The following LZTS1 variants were observed in gnomAD, a reference collection of about 807,000 sequenced individuals.
LZTS1 encodes the protein leucine zipper tumor suppressor 1.
In LZTS1, 31 loss-of-function variants were observed where a neutral mutation model predicts 45.8. The ratio of observed to expected loss-of-function variants is 0.68; its 90% confidence interval spans 0.51 to 0.91. The LOEUF is 0.91. LZTS1 is among the 40% of genes least tolerant of loss of function. LZTS1 has a pLI of 0.00. For synonymous variants in LZTS1, 359 were observed against 357.3 expected, an observed-to-expected ratio of 1.00 and a Z score of -0.05; for missense variants, 821 against 788.9, an observed-to-expected ratio of 1.04 and a Z score of -0.49.
chr8:20,264,681 T>C (rs986265986), intron 1 of LZTS1, among the ~76,000 whole-genome samples: 2 of 152,178 alleles, frequency 1.3e-5, no homozygotes, highest in Non-Finnish European at 2.9e-5. Context: ...CCCCCTGCTC[T>C]GAGGCAGCCT....
chr8:20,276,673 T>C (rs1431258628), intron 1 of LZTS1, among the ~76,000 whole-genome samples: 1 of 152,170 alleles, frequency 6.6e-6, no homozygotes, highest in Non-Finnish European at 1.5e-5. Context: ...AAGGCTGGGG[T>C]CATGGGAACT....
chr8:20,279,265 C>T (rs1800640702), intron 1 of LZTS1, among the ~76,000 whole-genome samples: 1 of 152,188 alleles, frequency 6.6e-6, no homozygotes, highest in Non-Finnish European at 1.5e-5. Context: ...TGTCTATCCC[C>T]TCTGCTAGTC....
chr8:20,272,091 A>G (rs1017090160), intron 1 of LZTS1, among the ~76,000 whole-genome samples: 1 of 152,216 alleles, frequency 6.6e-6, no homozygotes, highest in African/African-American at 2.4e-5. Context: ...CATAGCACTG[A>G]GCAGAACAGA....
chr8:20,301,396 G>C (rs1426254595), intron 1 of LZTS1, among the ~76,000 whole-genome samples: 2 of 152,102 alleles, frequency 1.3e-5, no homozygotes, highest in South Asian at 2.1e-4. Context: ...TGAATAAAAA[G>C]TTCCAGGCAC....
At chr8:20,302,892 T>C (rs749670523) in intron 1 of LZTS1, among the ~76,000 whole-genome samples, 97 of 152,150 alleles carry the variant, frequency 6.4e-4, no homozygotes, top group Admixed American at 4.6e-4. Flanking sequence ...AGTTCAAACC[T>C]TTCCACTTGG....
chr8:20,267,219 T>A (rs1800377751), intron 1 of LZTS1, among the ~76,000 whole-genome samples: 1 of 141,082 alleles, frequency 7.1e-6, no homozygotes, highest in Non-Finnish European at 1.6e-5. Context: ...TCCCCTGGTT[T>A]CTGGCATCGT....
intron 1 of LZTS1, among the ~76,000 whole-genome samples, chr8:20,273,161 C>T (rs900408780): frequency 6.6e-6 from 1 of 152,174 alleles, no homozygotes; most frequent in Admixed American, 6.5e-5. Flanking sequence ...GGCTCTGTCT[C>T]TTTCTTTTTC....
At position 20,279,594 on chromosome 8, in the gene LZTS1, G is replaced by C. The variant is rs535747294; in HGVS notation, c.-135+24146C>G. On this transcript the variant is annotated intron_variant, in intron 1 of 3. Transcript: ENST00000381569. ...CCATGCACCTGAAGTCCCAGCTACT[G>C]AGAGTCTGAGGTGGGAGGATCGCTT... Among the ~76,000 whole-genome samples the C allele has an allele frequency of 7.4e-5, 11 of 149,608 alleles. No homozygotes were observed. In the East Asian group the frequency reaches 2.2e-3, roughly 30 times the overall value.
intron 1 of LZTS1, among the ~76,000 whole-genome samples, chr8:20,268,606 G>T (rs1238365895): frequency 6.6e-6 from 1 of 152,158 alleles, no homozygotes; most frequent in East Asian, 1.9e-4. Flanking sequence ...ACCTCCCCGT[G>T]CTCAGTTTGC....
chr8:20,273,342 G>C (rs758088247), intron 1 of LZTS1, among the ~76,000 whole-genome samples: 1 of 152,004 alleles, frequency 6.6e-6, no homozygotes, highest in East Asian at 1.9e-4. Context: ...TCTGCACGGC[G>C]TCAGCTGCAT....
chr8:20,260,572 A>C (rs374169477), intron 1 of LZTS1, among the ~76,000 whole-genome samples: 139 of 152,340 alleles, frequency 9.1e-4, no homozygotes, highest in African/African-American at 3.0e-3. Context: ...AGATAGCAAA[A>C]TGAGCTTCCT....
chr8:20,254,501 T>C (rs1800037276), intron 2 of LZTS1, among the ~76,000 whole-genome samples: 1 of 152,178 alleles, frequency 6.6e-6, no homozygotes, highest in Non-Finnish European at 1.5e-5. Context: ...GGGCTCCCTC[T>C]CCTTCCCGAG....
At position 20,249,619 on chromosome 8, in the gene LZTS1, G is replaced by A. The variant is rs559867980; in HGVS notation, c.*103C>T. 2.1e-5 allele frequency: 29 copies of A among 1,404,390 alleles called. No individual in the cohort carries two copies. In the African/African-American group the frequency reaches 3.9e-4, roughly 19 times the overall value. The allele number at this position is 1,404,390 out of a possible 1,614,324, so 87.0% of individuals were successfully genotyped here. Reference sequence around the variant, plus strand: ...GGGTCCTGGGTCTGTGTCCCAGGGAGTGGCGTCTCTCAGAGGGGTCTGAAT... The same window carrying A: ...GGGTCCTGGGTCTGTGTCCCAGGGAATGGCGTCTCTCAGAGGGGTCTGAAT... On this transcript the variant is annotated 3_prime_UTR_variant, in exon 4 of 4. Coordinates refer to ENST00000381569, the MANE Select transcript of LZTS1 (RefSeq NM_021020.5).
intron 1 of LZTS1, among the ~76,000 whole-genome samples, chr8:20,282,065 C>T (rs1800703493): frequency 6.6e-6 from 1 of 152,190 alleles, no homozygotes; most frequent in African/African-American, 2.4e-5. Flanking sequence ...AATCCCACCA[C>T]CAAGCCTTCC....
intron 1 of LZTS1, among the ~76,000 whole-genome samples, chr8:20,269,452 A>T (rs754731663): frequency 8.5e-5 from 13 of 152,330 alleles, no homozygotes; most frequent in Admixed American, 2.0e-4. Flanking sequence ...TAACACCCAG[A>T]GTGGAGACTA....
At position 20,250,340 on chromosome 8, in the gene LZTS1, G is replaced by T; in HGVS notation, c.1173C>A (p.Ile391=). The part of the protein sequence containing the change: ...QWEVCQKSGE[I]SLLKQQLKES... ...CCTTCAGCTGCTGCTTCAGGAGGGA[G>T]ATCTCGCCTGACTTCTGGCACACCT... Residue 391 remains isoleucine (I), a synonymous_variant, in exon 4 of 4, where the codon ATC becomes ATA. Coordinates refer to ENST00000381569, the MANE Select transcript of LZTS1 (RefSeq NM_021020.5). The T allele has an allele frequency of 6.2e-7, 1 of 1,606,362 alleles. No individual in the cohort carries two copies. The highest frequency in any genetic ancestry group is 8.5e-7 in the Non-Finnish European group (1 of 1,175,186).
intron 3 of LZTS1, among the ~76,000 whole-genome samples, 154 bp from the exon 4 acceptor site, chr8:20,250,517 C>T (rs1799867160): frequency 6.6e-6 from 1 of 152,200 alleles, no homozygotes; most frequent in Non-Finnish European, 1.5e-5. Context: ...GTAAGCTGAA[C>T]ATTGCTGTGA....
At chr8:20,288,940 T>G (rs1363181515) in intron 1 of LZTS1, among the ~76,000 whole-genome samples, 1 of 152,154 alleles carries the variant, frequency 6.6e-6, no homozygotes, top group Non-Finnish European at 1.5e-5. Flanking sequence ...GAGTAAAATT[T>G]TATTTGTAAA....
intron 1 of LZTS1, among the ~76,000 whole-genome samples, chr8:20,264,453 C>A (rs534720058): frequency 6.6e-6 from 1 of 152,278 alleles, no homozygotes; most frequent in Admixed American, 6.5e-5. Context: ...CATCTAGGAC[C>A]TCTATTAGCC....
Sources: gnomAD v4.1 joint callset for allele counts (sites outside exome capture counted in the v4.1 genomes callset) on GRCh38, gnomAD v4.1.1 for gene constraint, MANE v1.5 for transcripts, NCBI Gene and HGNC (gene_info 2026-07-23, HGNC 2026-07-21) for gene names.